Variants in ST3GAL3 observed in about 807,000 individuals in gnomAD.
ST3GAL3 encodes the protein ST3 beta-galactoside alpha-2,3-sialyltransferase 3.
ST3GAL3 carries 21 observed loss-of-function variants against 50.1 expected under a neutral mutation model. The ratio of observed to expected loss-of-function variants is 0.42; its 90% confidence interval spans 0.30 to 0.60. The LOEUF (loss-of-function observed/expected upper bound fraction) is 0.60. Ranked by LOEUF, ST3GAL3 falls within the 20% of genes least tolerant of loss-of-function variation. ST3GAL3 has a pLI of 0.19. For synonymous variants in ST3GAL3, 183 were observed against 190.0 expected (o/e 0.96, Z 0.30); for missense variants, 353 against 489.4 (o/e 0.72, Z 2.63).
At chr1:43,771,764 GTGTGTGTA>G in intron 2 of ST3GAL3, 4 of 391,298 alleles carry the variant, frequency 1.0e-5, no homozygotes, top group Non-Finnish European at 9.0e-6. Flanking sequence ...GTGTGTGTGT[GTGTGTGTA>G]TAGTATCTGC....
At chr1:43,709,059 T>C (rs1052304843) in intron 1 of ST3GAL3, among the ~76,000 whole-genome samples, 1 of 152,072 alleles carries the variant, frequency 6.6e-6, no homozygotes, top group African/African-American at 2.4e-5. Context: ...TCCATGTGTT[T>C]GAGGAAGGTT....
chr1:43,889,233 C>CACACAT (rs55904905), intron 5 of ST3GAL3, among the ~76,000 whole-genome samples: 4 of 150,212 alleles, frequency 2.7e-5, no homozygotes, highest in Non-Finnish European at 4.4e-5. Flanking sequence ...CACACACACA[C>CACACAT]GTTTCATTTA....
chr1:43,788,425 A>G (rs932933936), intron 2 of ST3GAL3, among the ~76,000 whole-genome samples: 11 of 152,180 alleles, frequency 7.2e-5, no homozygotes, highest in Non-Finnish European at 1.6e-4. Context: ...GGGGAATGTG[A>G]TCTCTCGCCT....
intron 5 of ST3GAL3, among the ~76,000 whole-genome samples, chr1:43,881,258 G>T (rs757076881): frequency 1.3e-5 from 2 of 152,144 alleles, no homozygotes; most frequent in South Asian, 2.1e-4. Flanking sequence ...TGATCCACCC[G>T]CCTCAGCCTC....
rs1365795336 is a variant in ST3GAL3, at chr1:43,899,058, C to G, written c.462-110C>G. The stretch of plus-strand genomic sequence containing the variant: ...CCAGAAGCCCATTGGTCTTCTTCCT[C>G]TATCCCAGCCTGGTCCTGGACAAGG... On this transcript the variant is annotated intron_variant, in intron 7 of 11. Coordinates refer to ENST00000347631, the MANE Select transcript of ST3GAL3 (RefSeq NM_006279.5). This position sits in a 1 kb window ranked among gnomAD's most constrained non-coding sequence, Gnocchi z 5.4. The G allele has an allele frequency of 2.7e-6, 4 of 1,502,902 alleles. No homozygotes were observed. Among genetic ancestry groups the G allele is most frequent in the Non-Finnish European group, 3.6e-6 (4 of 1,101,342 alleles). The allele number at this position is 1,502,902 out of a possible 1,614,324, so 93.1% of individuals were successfully genotyped here.
intron 4 of ST3GAL3, among the ~76,000 whole-genome samples, chr1:43,817,591 C>G (rs1408765977): frequency 2.0e-5 from 1 of 50,280 alleles, no homozygotes; most frequent in Non-Finnish European, 4.2e-5. Context: ...TCCTCCTTCT[C>G]CTCCTCCCTT....
intron 9 of ST3GAL3, among the ~76,000 whole-genome samples, chr1:43,907,276 C>T (rs761892360): frequency 3.9e-5 from 6 of 152,198 alleles, no homozygotes; most frequent in African/African-American, 7.2e-5. Flanking sequence ...CATGTGCAGT[C>T]CCGTTCTTCA....
At chr1:43,843,449 T>C (rs1205265788) in intron 5 of ST3GAL3, among the ~76,000 whole-genome samples, 2 of 152,228 alleles carry the variant, frequency 1.3e-5, no homozygotes, top group Non-Finnish European at 2.9e-5. Flanking sequence ...TAAACTTCAT[T>C]TGGTCTTGGT....
rs1031465098 is a variant in ST3GAL3, at chr1:43,869,862, C to T, written c.303-24521C>T. Among the ~76,000 whole-genome samples the T allele has an allele frequency of 5.9e-5, 9 of 152,330 alleles. No individual in the cohort carries two copies. In the South Asian group the frequency reaches 8.3e-4, roughly 14 times the overall value. On this transcript the variant is annotated intron_variant, in intron 5 of 11. Transcript: ENST00000347631. ...AAAACAGCGACTGAGATAAGCCTAACGCAGAAACTTGCCCCCAACGCTACA... is the reference window on the plus strand; with the variant it reads ...AAAACAGCGACTGAGATAAGCCTAATGCAGAAACTTGCCCCCAACGCTACA...
intron 9 of ST3GAL3, among the ~76,000 whole-genome samples, chr1:43,900,365 T>C (rs1227727739): frequency 1.3e-5 from 2 of 152,232 alleles, no homozygotes; most frequent in African/African-American, 4.8e-5. Context: ...TACTGACTGT[T>C]CTAAGCAGGT....
rs56047444 is a variant in ST3GAL3 at position 43,917,443 on chromosome 1, A to AATATATAATATATAAT, written c.745-2915_745-2900dup. On this transcript the variant is annotated intron_variant, in intron 9 of 11. Coordinates refer to ENST00000347631, the MANE Select transcript of ST3GAL3 (RefSeq NM_006279.5). ...CCTCTCTATACTATCTTGCATATAT[A>AATATATAATATATAAT]ATATATAATATATAATATATATAAT... 1.4e-4 allele frequency among the ~76,000 whole-genome samples: 11 copies of AATATATAATATATAAT among 79,100 alleles called. No homozygotes were observed. In the East Asian group the frequency reaches 1.4e-3, roughly 10 times the overall value. 51.9% of individuals were successfully genotyped at this position (79,100 alleles called of 152,430 possible). A position where few individuals can be genotyped will look rare whatever the true frequency, so the allele number is the denominator to read the frequency against.
chr1:43,917,669 TTATA>T (rs56284215), intron 9 of ST3GAL3, among the ~76,000 whole-genome samples: 6 of 91,176 alleles, frequency 6.6e-5, no homozygotes, highest in Admixed American at 1.9e-4. Context: ...ATAATATATA[TTATA>T]TATATATATA....
intron 4 of ST3GAL3, among the ~76,000 whole-genome samples, chr1:43,817,070 A>T (rs1168079486): frequency 6.6e-6 from 1 of 152,226 alleles, no homozygotes; most frequent in East Asian, 1.9e-4. Flanking sequence ...TTTCTGAGGT[A>T]TAGGAAAGGA....
intron 2 of ST3GAL3, among the ~76,000 whole-genome samples, chr1:43,741,615 G>A (rs1680956188): frequency 6.6e-6 from 1 of 152,136 alleles, no homozygotes; most frequent in Non-Finnish European, 1.5e-5. Flanking sequence ...ATGAAGAGGA[G>A]GCTGGCATTT....
At chr1:43,723,404 C>G (rs1331261228) in intron 1 of ST3GAL3, among the ~76,000 whole-genome samples, 2 of 151,940 alleles carry the variant, frequency 1.3e-5, no homozygotes, top group Non-Finnish European at 2.9e-5. Flanking sequence ...CCACCACGCC[C>G]GGCCTTCCCT....
chr1:43,723,792 A>G (rs763075596), intron 1 of ST3GAL3, among the ~76,000 whole-genome samples: 1 of 151,812 alleles, frequency 6.6e-6, no homozygotes, highest in Non-Finnish European at 1.5e-5. Context: ...TCGTATTTTT[A>G]GTAGAGATGA....
rs111524115 is a variant in ST3GAL3 at position 43,749,142 on chromosome 1, A to C, written c.118+12762A>C. Among the ~76,000 whole-genome samples the C allele has an allele frequency of 5.3e-3, 805 of 152,334 alleles. 16 individuals carry two copies. Among genetic ancestry groups the C allele is most frequent in the African/African-American group, 0.018 (748 of 41,584 alleles). Reference sequence around the variant, plus strand: ...CAATATACTCTGGTGCAATAACTAGATATCTATATAGAAAAATAAGGAACC... The same window carrying C: ...CAATATACTCTGGTGCAATAACTAGCTATCTATATAGAAAAATAAGGAACC... On this transcript the variant is annotated intron_variant, in intron 2 of 11. Coordinates refer to ENST00000347631, the MANE Select transcript of ST3GAL3 (RefSeq NM_006279.5).
At chr1:43,885,572 C>A (rs906971379) in intron 5 of ST3GAL3, among the ~76,000 whole-genome samples, 7 of 152,168 alleles carry the variant, frequency 4.6e-5, no homozygotes, top group African/African-American at 1.4e-4. Flanking sequence ...TCATTCTATA[C>A]CTTAAGGGCC....
At chr1:43,828,396 C>T (rs1448541776) in intron 4 of ST3GAL3, among the ~76,000 whole-genome samples, 7 of 152,076 alleles carry the variant, frequency 4.6e-5, no homozygotes, top group Admixed American at 6.6e-5. Flanking sequence ...AAAATCAGTA[C>T]GTTGATTTTA....
Sources: gnomAD v4.1 joint callset for allele counts (sites outside exome capture counted in the v4.1 genomes callset) on GRCh38, gnomAD v4.1.1 for gene constraint, Gnocchi (gnomAD v3.1) non-coding constraint, MANE v1.5 for transcripts, NCBI Gene and HGNC (gene_info 2026-07-23, HGNC 2026-07-21) for gene names.